The following HSD11B1 variants were observed in gnomAD, a reference collection of about 807,000 sequenced individuals.
HSD11B1 encodes 11-beta-hydroxysteroid dehydrogenase 1.
HSD11B1 carries 15 observed loss-of-function variants against 22.1 expected under a neutral mutation model. The ratio of observed to expected loss-of-function variants is 0.68; its 90% confidence interval spans 0.45 to 1.04. The LOEUF (loss-of-function observed/expected upper bound fraction) is 1.04, where lower values mean the gene tolerates loss of function less well. Ranked by LOEUF, HSD11B1 falls within the 50% of genes least tolerant of loss-of-function variation. The pLI is 0.00. For synonymous variants in HSD11B1, 122 were observed against 125.2 expected (o/e 0.97, Z 0.17); for missense variants, 281 against 357.6 (o/e 0.79, Z 1.73).
In HSD11B1 at chr1:209,732,570, A is replaced by C. The variant is rs1310622955; in HGVS notation, c.652A>C (p.Ile218Leu). 1 of 1,613,350 alleles carries C rather than the reference A, an allele frequency of 6.2e-7. No individual in the cohort carries two copies. The highest frequency in any genetic ancestry group is 8.5e-7 in the Non-Finnish European group (1 of 1,179,460). Residue 218 changes from isoleucine to leucine, a missense_variant, in exon 5 of 6, where the codon ATA (isoleucine) becomes CTA (leucine). Physicochemically the swap from Ile to Leu is conservative, Grantham distance 5 (BLOSUM62 2). Transcript: ENST00000367027. ...AATCACTCTCTGTGTTCTTGGCCTC[A>C]TAGACACAGGTAAGGTCAATACTTT... Reference protein sequence around the residue: ...VSITLCVLGLIDTETAMKAVS... With the variant: ...VSITLCVLGLLDTETAMKAVS...
upstream of HSD11B1, among the ~76,000 whole-genome samples, chr1:209,702,619 C>T (rs995641478): frequency 6.6e-6 from 1 of 152,148 alleles, no homozygotes; most frequent in Non-Finnish European, 1.5e-5. Flanking sequence ...ATGCTAATGC[C>T]ACTGCCCTGA....
intron 1 of HSD11B1, among the ~76,000 whole-genome samples, chr1:209,691,273 A>T (rs1445993929): frequency 2.6e-5 from 4 of 152,212 alleles, no homozygotes; most frequent in Non-Finnish European, 5.9e-5. Flanking sequence ...GCTGACCAGA[A>T]CTGTCACACT....
At chr1:209,698,280 T>A (rs1402335196) in intron 1 of HSD11B1, among the ~76,000 whole-genome samples, 2 of 152,214 alleles carry the variant, frequency 1.3e-5, no homozygotes, top group African/African-American at 4.8e-5. Flanking sequence ...AATTCAGATT[T>A]AACTGTATTT....
At chr1:209,691,565 G>T (rs2076759917) in intron 1 of HSD11B1, among the ~76,000 whole-genome samples, 1 of 151,178 alleles carries the variant, frequency 6.6e-6, no homozygotes, top group South Asian at 2.1e-4. Context: ...TATATCTCTT[G>T]TCAGAGGGTT....
chr1:209,724,611 C>T (rs559370732), intron 4 of HSD11B1, among the ~76,000 whole-genome samples: 2 of 152,046 alleles, frequency 1.3e-5, no homozygotes, highest in South Asian at 4.2e-4. Flanking sequence ...TTTGACCAGG[C>T]CTTTTGACTC....
At chr1:209,704,132 T>G (rs1388936000), upstream of HSD11B1, among the ~76,000 whole-genome samples, 3 of 152,222 alleles carry the variant, frequency 2.0e-5, no homozygotes, top group African/African-American at 7.2e-5. Flanking sequence ...CTTGTTGCTC[T>G]ACAGCATTTA....
chr1:209,693,664 G>T (rs774886449), intron 1 of HSD11B1, among the ~76,000 whole-genome samples: 2 of 152,188 alleles, frequency 1.3e-5, no homozygotes, highest in Non-Finnish European at 2.9e-5. Context: ...CCCACAAACA[G>T]AAAGGATGCT....
In HSD11B1 at chr1:209,729,937, A is replaced by G. The variant is rs114503886; in HGVS notation, c.518-2499A>G. 8.4e-3 allele frequency among the ~76,000 whole-genome samples: 1,280 copies of G among 152,322 alleles called. 12 individuals are homozygous for G. Among genetic ancestry groups the G allele is most frequent in the African/African-American group, 0.028 (1,164 of 41,556 alleles). On this transcript the variant is annotated intron_variant, in intron 4 of 5. Transcript: ENST00000367027. The stretch of plus-strand genomic sequence containing the variant: ...TTGGTAAAATGCAATATCCCTTCAT[A>G]ATAAAAACCCTCAACAAATTGGGTA...
rs77473643 is a variant in HSD11B1, at chr1:209,733,504, T to C, written c.662-800T>C. Among the ~76,000 whole-genome samples, 1,280 of 152,292 alleles carry C rather than the reference T, an allele frequency of 8.4e-3. 12 individuals are homozygous for C. Among genetic ancestry groups the C allele is most frequent in the African/African-American group, 0.028 (1,165 of 41,560 alleles). ...AGAACATTAGTGAAAAAATAAGGTCTGTAGTTTAGTTAATATATTGTATCA... is the reference window on the plus strand; with the variant it reads ...AGAACATTAGTGAAAAAATAAGGTCCGTAGTTTAGTTAATATATTGTATCA... On this transcript the variant is annotated intron_variant, in intron 5 of 5. Transcript: ENST00000367027.
At chr1:209,717,126 C>T (rs572468581) in intron 4 of HSD11B1, among the ~76,000 whole-genome samples, 4 of 152,040 alleles carry the variant, frequency 2.6e-5, no homozygotes, top group South Asian at 2.1e-4. Context: ...ACCTGTTTAA[C>T]GGGAGAAAAT....
intron 4 of HSD11B1, among the ~76,000 whole-genome samples, chr1:209,707,963 G>A (rs998715765): frequency 3.0e-4 from 45 of 152,192 alleles, no homozygotes; most frequent in African/African-American, 1.0e-3. Flanking sequence ...CCTATAGTGG[G>A]TGTATTCTCT....
At position 209,720,392 on chromosome 1, in the gene HSD11B1, G is replaced by A. The variant is rs187318361; in HGVS notation, c.518-12044G>A. 1.1e-4 allele frequency among the ~76,000 whole-genome samples: 17 copies of A among 152,138 alleles called. 1 individual carries two copies. The highest frequency in any genetic ancestry group is 2.4e-4 in the African/African-American group (10 of 41,486). On this transcript the variant is annotated intron_variant, in intron 4 of 5. Coordinates refer to ENST00000367027, the MANE Select transcript of HSD11B1 (RefSeq NM_005525.4). ...AAACTGAGGGACATCCATCAATAGC[G>A]CGCTGGTAAATGTTTAACAACAAGC...
intron 4 of HSD11B1, among the ~76,000 whole-genome samples, chr1:209,718,105 T>G (rs11808690): frequency 0.2 from 29,740 of 152,042 alleles, 2,965 homozygotes; most frequent in East Asian, 0.22. Context: ...GTCAGCGTGT[T>G]GGCAGGAGGG....
intron 4 of HSD11B1, among the ~76,000 whole-genome samples, chr1:209,712,905 C>T (rs1161927149): frequency 2.0e-5 from 3 of 152,168 alleles, no homozygotes; most frequent in Admixed American, 1.3e-4. Flanking sequence ...AAAAATTAGC[C>T]GGGCGAGGTG....
At chr1:209,715,283 A>C (rs71636126) in intron 4 of HSD11B1, among the ~76,000 whole-genome samples, 1 of 152,226 alleles carries the variant, frequency 6.6e-6, no homozygotes, top group Non-Finnish European at 1.5e-5. Flanking sequence ...TGTTTAATAC[A>C]CAAGGACAGA....
intron 4 of HSD11B1, among the ~76,000 whole-genome samples, chr1:209,710,941 T>C (rs1379838849): frequency 6.6e-6 from 1 of 152,228 alleles, no homozygotes; most frequent in African/African-American, 2.4e-5. Context: ...CGCAGCATTG[T>C]TTCATACTGT....
At chr1:209,702,931 T>C (rs928792246), upstream of HSD11B1, among the ~76,000 whole-genome samples, 3 of 152,250 alleles carry the variant, frequency 2.0e-5, no homozygotes, top group Non-Finnish European at 4.4e-5. Flanking sequence ...GCTTTTGCCA[T>C]ATCCTTATTT....
intron 4 of HSD11B1, among the ~76,000 whole-genome samples, chr1:209,727,258 C>CTA (rs1373476059): frequency 1.3e-5 from 2 of 152,172 alleles, no homozygotes; most frequent in Non-Finnish European, 2.9e-5. Context: ...GGATTCCCTG[C>CTA]TATAGGTTTT....
At chr1:209,687,936 C>G (rs2076737897) in intron 1 of HSD11B1, among the ~76,000 whole-genome samples, 1 of 152,222 alleles carries the variant, frequency 6.6e-6, no homozygotes, top group Admixed American at 6.5e-5. Context: ...TACATTCCTA[C>G]CATTGATCAG....
Sources: allele counts gnomAD v4.1 joint callset (sites outside exome capture counted in the v4.1 genomes callset), GRCh38; gene constraint gnomAD v4.1.1; transcripts MANE v1.5; gene names NCBI Gene and HGNC (gene_info 2026-07-23, HGNC 2026-07-21).